Variants in HSPA13 observed in about 807,000 individuals in gnomAD.
HSPA13 encodes the protein heat shock 70 kDa protein 13.
A neutral mutation model predicts 38.8 loss-of-function variants in HSPA13; 29 were observed. The ratio of observed to expected loss-of-function variants is 0.75; its 90% CI spans 0.56 to 1.02. The LOEUF (loss-of-function observed/expected upper bound fraction) is 1.02, where lower values mean the gene tolerates loss of function less well. HSPA13 is among the 50% of genes least tolerant of loss of function. The pLI is 0.00. For missense variants in HSPA13, 451 were observed against 560.9 expected (o/e 0.80, Z 1.98); for synonymous variants, 192 against 205.3 (o/e 0.94, Z 0.56).
rs1984002863 is a variant in HSPA13, at chr21:14,375,662, T to A, written c.738A>T (p.Arg246=). Residue 246 remains arginine, a synonymous_variant, in exon 4 of 5, where the codon CGA becomes CGT. Coordinates refer to ENST00000285667, the MANE Select transcript of HSPA13 (RefSeq NM_006948.5). The part of the protein sequence containing the change: ...LNKQGGMFLT[R]AMSGNNKLGG... ...CTGCATTTTTCTTACCAGACATTGC[T>A]CGGGTTAGAAACATCCCTCCTTGTT... is the stretch of plus-strand genomic sequence containing the variant. 1.2e-6 allele frequency: 2 copies of A among 1,613,354 alleles called. No individual in the cohort carries two copies. Among genetic ancestry groups the A allele is most frequent in the Non-Finnish European group, 1.7e-6 (2 of 1,179,542 alleles).
rs547143733 is a variant in HSPA13 at position 14,373,671 on chromosome 21, T to A, written c.1362A>T (p.Gln454His). ...AGIDGGSWPL[Q>H]VSALEIPNKH... ...TATTGGGAATTTCTAAAGCACTGAC[T>A]TGGAGAGGCCAAGAGCCTCCATCAA... Residue 454 changes from glutamine (Q) to histidine (H), a missense_variant, in exon 5 of 5, where the codon CAA (glutamine) becomes CAT (histidine). By Grantham distance (24) the Gln-to-His change is conservative (BLOSUM62 0). Coordinates refer to ENST00000285667, the MANE Select transcript of HSPA13 (RefSeq NM_006948.5). 3.7e-6 allele frequency: 6 copies of A among 1,614,082 alleles called. No homozygotes were observed. In the African/African-American group the frequency reaches 8.0e-5, roughly 22 times the overall value.
At chr21:14,382,946 C>T (rs552548637) in intron 1 of HSPA13, 149 bp downstream of exon 1, 2 of 975,868 alleles carry the variant, frequency 2.0e-6, no homozygotes, top group African/African-American at 1.6e-5. Context: ...CCACTCCGAA[C>T]AGCCGAAAAC....
rs8131607 is a variant in HSPA13 at position 14,380,948 on chromosome 21, T to G, written c.366+255A>C. The stretch of plus-strand genomic sequence containing the variant: ...GGGCTTCATCAACCTTCCTGCTACC[T>G]TGAAAGAGCTAAGCAAGACATGCTG... On this transcript the variant is annotated intron_variant, in intron 2 of 4. Coordinates refer to ENST00000285667, the MANE Select transcript of HSPA13 (RefSeq NM_006948.5). Among the ~76,000 whole-genome samples the G allele has an allele frequency of 7.4e-3, 1,121 of 152,290 alleles. 14 individuals carry two copies. The highest frequency in any genetic ancestry group is 0.026 in the African/African-American group (1,074 of 41,550).
intron 3 of HSPA13, among the ~76,000 whole-genome samples, chr21:14,377,222 G>C (rs189960333): frequency 6.6e-6 from 1 of 152,218 alleles, no homozygotes; most frequent in East Asian, 1.9e-4. Flanking sequence ...TTTCCCTCTG[G>C]TAGAACATAA....
chr21:14,372,054 C>G lies in HSPA13; in HGVS notation c.*1563G>C, dbSNP rs1256116969. 6.6e-6 allele frequency: 1 copy of G among 152,198 alleles called. No homozygotes were observed. Among genetic ancestry groups the G allele is most frequent in the Non-Finnish European group, 1.5e-5 (1 of 67,914 alleles). 9.4% of individuals were successfully genotyped at this position (152,198 alleles called of 1,614,324 possible). A position where few individuals can be genotyped will look rare whatever the true frequency, so the allele number is the denominator to read the frequency against. Reference sequence around the variant, plus strand: ...GAAATTTGTGTTTTAACAGCAATTTCATTGCTAAGAATTTTTTTTTAGATA... The same window carrying G: ...GAAATTTGTGTTTTAACAGCAATTTGATTGCTAAGAATTTTTTTTTAGATA... On this transcript the variant is annotated 3_prime_UTR_variant, in exon 5 of 5. Transcript: ENST00000285667.
At chr21:14,379,078 C>A (rs576483060) in intron 2 of HSPA13, among the ~76,000 whole-genome samples, 1 of 152,110 alleles carries the variant, frequency 6.6e-6, no homozygotes, top group African/African-American at 2.4e-5. Flanking sequence ...AATCTTTTCC[C>A]TTTTTTTCCC....
At chr21:14,374,426 G>T in intron 4 of HSPA13, 142 bp from the exon 5 acceptor site, 1 of 676,210 alleles carries the variant, frequency 1.5e-6, no homozygotes, top group Non-Finnish European at 2.4e-6. Flanking sequence ...TTCATACAGA[G>T]ACTGGTTAAA....
Position 14,373,398 on chromosome 21 carries a change from G to C in HSPA13, c.*219C>G. The C allele has an allele frequency of 2.0e-6, 1 of 501,470 alleles. No individual in the cohort carries two copies. The highest frequency in any genetic ancestry group is 3.5e-6 in the Non-Finnish European group (1 of 283,472). 31.1% of individuals were successfully genotyped at this position (501,470 alleles called of 1,614,324 possible). A position where few individuals can be genotyped will look rare whatever the true frequency, so the allele number is the denominator to read the frequency against. The stretch of plus-strand genomic sequence containing the variant: ...GTTGTACCTCAATTTTATCATTTTA[G>C]AGTATTTGTTAGAATAGGATCTCTC... On this transcript the variant is annotated 3_prime_UTR_variant, in exon 5 of 5. Coordinates refer to ENST00000285667, the MANE Select transcript of HSPA13 (RefSeq NM_006948.5).
chr21:14,378,486 A>C, intron 2 of HSPA13, 74 bp from the exon 3 acceptor site: 1 of 913,806 alleles, frequency 1.1e-6, no homozygotes, highest in Non-Finnish European at 1.7e-6. Flanking sequence ...ATACATAAAT[A>C]CTAGATTTCA....
At chr21:14,376,172 T>C (rs891277831) in intron 3 of HSPA13, among the ~76,000 whole-genome samples, 7 of 152,132 alleles carry the variant, frequency 4.6e-5, no homozygotes, top group African/African-American at 1.7e-4. Flanking sequence ...ATTTAATCAT[T>C]ATGCCGAGGT....
intron 2 of HSPA13, among the ~76,000 whole-genome samples, chr21:14,378,848 G>C (rs903848283): frequency 1.3e-5 from 2 of 151,876 alleles, no homozygotes; most frequent in Admixed American, 1.3e-4. Context: ...TTGAACTCCT[G>C]ACCTTGTGAT....
intron 4 of HSPA13, among the ~76,000 whole-genome samples, 153 bp downstream of exon 4, chr21:14,375,491 ATTTTTTTT>A (rs34202425): frequency 1.6e-5 from 2 of 128,596 alleles, no homozygotes; most frequent in African/African-American, 5.8e-5. Flanking sequence ...TTTTTCTGTA[ATTTTTTTT>A]TTTTTTTTTT....
chr21:14,380,761 T>C (rs1984147124), intron 2 of HSPA13, among the ~76,000 whole-genome samples: 1 of 152,212 alleles, frequency 6.6e-6, no homozygotes, highest in African/African-American at 2.4e-5. Flanking sequence ...GTCTAATTAA[T>C]AATGGAATAG....
intron 2 of HSPA13, among the ~76,000 whole-genome samples, chr21:14,380,981 G>T (rs904962564): frequency 2.6e-5 from 4 of 152,184 alleles, no homozygotes; most frequent in African/African-American, 9.6e-5. Context: ...CTGAGGATGG[G>T]ACAGCAAGAA....
In HSPA13 at chr21:14,378,428, G is replaced by A. The variant is rs1328520499; in HGVS notation, c.367-16C>T. On this transcript the variant is annotated splice_polypyrimidine_tract_variant and intron_variant, in intron 2 of 4. Transcript: ENST00000285667. ...TGTTTAAAACCTGTGAATAGGATTT[G>A]CAAATAAGTAAATAAATAAAAGAGT... The A allele has an allele frequency of 5.9e-6, 9 of 1,522,144 alleles. No homozygotes were observed. Among genetic ancestry groups the A allele is most frequent in the Non-Finnish European group, 8.2e-6 (9 of 1,097,186 alleles). 94.3% of individuals were successfully genotyped at this position (1,522,144 alleles called of 1,614,324 possible). A position where few individuals can be genotyped will look rare whatever the true frequency, so the allele number is the denominator to read the frequency against.
At chr21:14,375,971 G>A (rs1984010304) in intron 3 of HSPA13, 152 bp from the exon 4 acceptor site, 4 of 564,732 alleles carry the variant, frequency 7.1e-6, no homozygotes, top group Non-Finnish European at 1.3e-5. Context: ...CATGAAATGG[G>A]AACAGTAAAC....
chr21:14,376,211 A>T (rs1214501215), intron 3 of HSPA13, among the ~76,000 whole-genome samples: 1 of 152,190 alleles, frequency 6.6e-6, no homozygotes, highest in Non-Finnish European at 1.5e-5. Flanking sequence ...GGAGATCAAG[A>T]GACCCTCCTG....
intron 1 of HSPA13, 133 bp downstream of exon 1, chr21:14,382,962 C>T: frequency 8.9e-7 from 1 of 1,124,966 alleles, no homozygotes; most frequent in Non-Finnish European, 1.3e-6. Context: ...AAAACCGTCT[C>T]TAAGTCACCT....
chr21:14,376,285 C>T (rs987240933), intron 3 of HSPA13, among the ~76,000 whole-genome samples: 39 of 152,242 alleles, frequency 2.6e-4, no homozygotes, highest in African/African-American at 8.4e-4. Flanking sequence ...TGGTGGCGGG[C>T]GCCCGTAGTC....
Sources: gnomAD v4.1 joint callset for allele counts (sites outside exome capture counted in the v4.1 genomes callset) on GRCh38, gnomAD v4.1.1 for gene constraint, MANE v1.5 for transcripts, NCBI Gene and HGNC (gene_info 2026-07-23, HGNC 2026-07-21) for gene names.